The following HTR2C variants were observed in gnomAD, a reference collection of about 807,000 sequenced individuals.
HTR2C encodes 5-hydroxytryptamine receptor 2C, also known as 5-hydroxytryptamine (serotonin) receptor 2C, G protein-coupled.
In HTR2C, 5 loss-of-function variants were observed where a neutral mutation model predicts 21.0. The observed-to-expected ratio is 0.24, with a 90% CI of 0.12 to 0.50. The LOEUF (loss-of-function observed/expected upper bound fraction) is 0.50. HTR2C is among the 20% of genes least tolerant of loss of function. The pLI, the probability that HTR2C is intolerant of heterozygous loss-of-function variation, is 0.98. For synonymous variants in HTR2C, 150 were observed against 145.3 expected, an observed-to-expected ratio of 1.03 and a Z score of -0.23; for missense variants, 271 against 371.2, an observed-to-expected ratio of 0.73 and a Z score of 2.22.
chrX:114,699,635 T>A (rs897902770), intron 2 of HTR2C, among the ~76,000 whole-genome samples: 1 of 111,994 alleles, frequency 8.9e-6, no homozygotes, highest in Admixed American at 9.5e-5. Flanking sequence ...CTTGCTAACC[T>A]GTAGGTTCAT....
At chrX:114,747,533 A>T (rs1397550286) in intron 4 of HTR2C, among the ~76,000 whole-genome samples, 1 of 112,523 alleles carries the variant, frequency 8.9e-6, no homozygotes, top group Non-Finnish European at 1.9e-5. Context: ...CCTGCTTCTG[A>T]AATGGCCCCC....
chrX:114,645,545 C>T (rs1556407378), intron 2 of HTR2C, among the ~76,000 whole-genome samples: 1 of 110,662 alleles, frequency 9.0e-6, no homozygotes, highest in East Asian at 2.8e-4. Context: ...AACTGATTTC[C>T]AGAAGCATAA....
intron 1 of HTR2C, among the ~76,000 whole-genome samples, chrX:114,592,156 T>C (rs1465208387): frequency 8.9e-6 from 1 of 112,381 alleles, no homozygotes; most frequent in Non-Finnish European, 1.9e-5. Flanking sequence ...TTGTATAATA[T>C]ATAAAATGGG....
At chrX:114,777,155 T>C (rs2070067130) in intron 4 of HTR2C, among the ~76,000 whole-genome samples, 1 of 112,376 alleles carries the variant, frequency 8.9e-6, no homozygotes, top group African/African-American at 3.2e-5. Flanking sequence ...CCATACTTTT[T>C]CTGAAGATTT....
At chrX:114,766,120 C>A (rs2069945567) in intron 4 of HTR2C, among the ~76,000 whole-genome samples, 1 of 111,526 alleles carries the variant, frequency 9.0e-6, no homozygotes, top group South Asian at 3.7e-4. Context: ...GAATTTGTGC[C>A]TGGAATAAGA....
At chrX:114,722,547 C>G (rs1479700720) in intron 2 of HTR2C, among the ~76,000 whole-genome samples, 1 of 110,588 alleles carries the variant, frequency 9.0e-6, no homozygotes, top group Non-Finnish European at 1.9e-5. Flanking sequence ...ACTTCCAACA[C>G]TATGTTGAAT....
chrX:114,805,597 T>C (rs782681164), intron 4 of HTR2C, among the ~76,000 whole-genome samples: 1 of 11,869 alleles, frequency 8.4e-5, no homozygotes, highest in Non-Finnish European at 1.9e-4. Flanking sequence ...ACCATATATA[T>C]ACCATATATA....
At chrX:114,600,000 CAAGA>C (rs1269432736) in intron 1 of HTR2C, among the ~76,000 whole-genome samples, 2 of 110,552 alleles carry the variant, frequency 1.8e-5, no homozygotes, top group Non-Finnish European at 3.8e-5. Flanking sequence ...GGAGGAAGTC[CAAGA>C]AAGAAATCAC....
At chrX:114,761,939 G>A (rs1556432566) in intron 4 of HTR2C, among the ~76,000 whole-genome samples, 41 of 108,304 alleles carry the variant, frequency 3.8e-4, no homozygotes, top group African/African-American at 1.4e-3. Context: ...ACATATATGT[G>A]TATATATACG....
chrX:114,802,479 C>G (rs1193238242), intron 4 of HTR2C, among the ~76,000 whole-genome samples: 1 of 110,973 alleles, frequency 9.0e-6, no homozygotes, highest in Non-Finnish European at 1.9e-5. Flanking sequence ...GAATGTGCCA[C>G]AGAGTTTTAC....
intron 4 of HTR2C, among the ~76,000 whole-genome samples, chrX:114,784,595 G>T (rs782409178): frequency 1.8e-4 from 19 of 107,435 alleles, no homozygotes; most frequent in Non-Finnish European, 2.3e-4. Flanking sequence ...TCTTCACATG[G>T]CCTTCTTCTT....
At chrX:114,802,688 T>C (rs1160274212) in intron 4 of HTR2C, among the ~76,000 whole-genome samples, 4 of 67,133 alleles carry the variant, frequency 6.0e-5, no homozygotes, top group Non-Finnish European at 1.1e-4. Flanking sequence ...CTTAGATTCT[T>C]TCTTTCTTTC....
intron 2 of HTR2C, among the ~76,000 whole-genome samples, chrX:114,638,516 TTTA>T (rs1929946821): frequency 2.7e-5 from 3 of 109,172 alleles, no homozygotes; most frequent in Non-Finnish European, 3.8e-5. Context: ...TATTTATTTA[TTTA>T]TTATTTTTTT....
intron 1 of HTR2C, among the ~76,000 whole-genome samples, chrX:114,602,922 T>A (rs1187698104): frequency 1.9e-5 from 2 of 105,991 alleles, no homozygotes; most frequent in African/African-American, 6.9e-5. Context: ...AGTTATTTCC[T>A]TGAGGATAGA....
intron 4 of HTR2C, among the ~76,000 whole-genome samples, chrX:114,743,953 T>A (rs937236301): frequency 5.4e-5 from 6 of 111,662 alleles, no homozygotes; most frequent in African/African-American, 2.0e-4. Context: ...TCCATTTATA[T>A]AGAATTTTAG....
chrX:114,637,171 A>G (rs1929873568), intron 2 of HTR2C, among the ~76,000 whole-genome samples: 1 of 111,788 alleles, frequency 8.9e-6, no homozygotes, highest in Non-Finnish European at 1.9e-5. Flanking sequence ...GCCTGTAAAT[A>G]TACAGAGGCA....
chrX:114,614,098 T>A (rs1806482199), intron 2 of HTR2C, among the ~76,000 whole-genome samples: 1 of 111,038 alleles, frequency 9.0e-6, no homozygotes, highest in Non-Finnish European at 1.9e-5. Context: ...CTTATTTTAT[T>A]ACTAAGTAAT....
intron 2 of HTR2C, among the ~76,000 whole-genome samples, chrX:114,702,708 C>A (rs1556417094): frequency 1.8e-5 from 2 of 108,495 alleles, no homozygotes; most frequent in Admixed American, 2.0e-4. Flanking sequence ...TCACACATAA[C>A]AATATTAACT....
intron 5 of HTR2C, among the ~76,000 whole-genome samples, chrX:114,886,467 A>AT (rs2071220847): frequency 9.1e-6 from 1 of 110,191 alleles, no homozygotes; most frequent in Non-Finnish European, 1.9e-5. Context: ...GATATTTTCT[A>AT]ATGTAGCATT....
Sources: allele counts gnomAD v4.1 joint callset (sites outside exome capture counted in the v4.1 genomes callset), GRCh38; gene constraint gnomAD v4.1.1; transcripts MANE v1.5; gene names NCBI Gene and HGNC (gene_info 2026-07-23, HGNC 2026-07-21).